Variants in IDE observed in about 807,000 individuals in gnomAD.
IDE encodes the protein insulin degrading enzyme.
A neutral mutation model predicts 133.2 loss-of-function variants in IDE; 58 were observed. The ratio of observed to expected loss-of-function variants is 0.44; its 90% CI spans 0.35 to 0.54. The LOEUF is 0.54. Among genes scored for constraint, IDE ranks in the 20% least tolerant of loss-of-function variants. IDE has a pLI of 0.00. For synonymous variants in IDE, 396 were observed against 421.3 expected (o/e 0.94, Z 0.73); for missense variants, 981 against 1,234.0 (o/e 0.79, Z 3.07).
At chr10:92,554,054 T>G (rs965426875) in intron 1 of IDE, among the ~76,000 whole-genome samples, 1 of 152,230 alleles carries the variant, frequency 6.6e-6, no homozygotes. Flanking sequence ...ATATCACTGA[T>G]GAATATTGAT....
At chr10:92,473,198 G>A (rs1463120518) in intron 17 of IDE, among the ~76,000 whole-genome samples, 1 of 151,940 alleles carries the variant, frequency 6.6e-6, no homozygotes, top group Non-Finnish European at 1.5e-5. Flanking sequence ...CTAAAGTGCT[G>A]GGATTACAGG....
chr10:92,523,680 G>A, intron 4 of IDE, among the ~76,000 whole-genome samples: 1 of 145,268 alleles, frequency 6.9e-6, no homozygotes. Context: ...CAGCATGGGC[G>A]ACAAGAGTAA....
intron 11 of IDE, among the ~76,000 whole-genome samples, chr10:92,502,634 CG>C (rs1789923617): frequency 6.6e-6 from 1 of 152,178 alleles, no homozygotes. Flanking sequence ...AACTATATCT[CG>C]CCATCCCCCA....
intron 15 of IDE, among the ~76,000 whole-genome samples, chr10:92,476,203 C>T (rs1436723423): frequency 2.0e-5 from 3 of 146,488 alleles, no homozygotes; most frequent in Non-Finnish European, 4.5e-5. Context: ...GACAGAGTTT[C>T]GCTCTTGTTG....
At chr10:92,491,393 C>T (rs528895439) in intron 11 of IDE, among the ~76,000 whole-genome samples, 1 of 152,168 alleles carries the variant, frequency 6.6e-6, no homozygotes, top group South Asian at 2.1e-4. Context: ...TTATTGCTTG[C>T]TACATTTGTG....
chr10:92,564,671 C>CAAAAAAAAAAAAAAAAAAAAA (rs532861372), intron 1 of IDE, among the ~76,000 whole-genome samples: 5 of 31,586 alleles, frequency 1.6e-4, no homozygotes, highest in South Asian at 9.9e-4. Context: ...GAGACTGTCT[C>CAAAAAAAAAAAAAAAAAAAAA]AAAAAAAAAA....
At position 92,519,875 on chromosome 10, in the gene IDE, C is replaced by T. The variant is rs1252183854; in HGVS notation, c.662-4833G>A. ...ATCACAACACTTTAGGAGGCTGAGG[C>T]AGGCGGATCACCTGAGGTCAGGAGC... On this transcript the variant is annotated intron_variant, in intron 4 of 24. Transcript: ENST00000265986. 3.3e-5 allele frequency among the ~76,000 whole-genome samples: 5 copies of T among 152,172 alleles called. No homozygotes were observed. The East Asian group carries it at 7.7e-4, about 23-fold the overall frequency.
At chr10:92,524,461 T>TAAAATATAATATATA (rs1564648153) in intron 4 of IDE, among the ~76,000 whole-genome samples, 6 of 59,028 alleles carry the variant, frequency 1.0e-4, no homozygotes, top group African/African-American at 4.6e-4. Context: ...ATATTATATA[T>TAAAATATAATATATA]TTTATATAAT....
chr10:92,465,956 G>T, intron 19 of IDE, 113 bp from the exon 20 acceptor site: 1 of 875,246 alleles, frequency 1.1e-6, no homozygotes, highest in Non-Finnish European at 1.8e-6. Flanking sequence ...TAATAGAAAA[G>T]GGAGGTAGAG....
intron 9 of IDE, 91 bp downstream of exon 9, chr10:92,507,484 G>C: frequency 1.3e-6 from 1 of 774,518 alleles, no homozygotes; most frequent in Non-Finnish European, 2.3e-6. Flanking sequence ...AACTTTAAAA[G>C]TTTAACTGGG....
At chr10:92,504,379 T>C (rs541902427) in intron 11 of IDE, among the ~76,000 whole-genome samples, 35 of 152,300 alleles carry the variant, frequency 2.3e-4, no homozygotes, top group African/African-American at 7.7e-4. Flanking sequence ...TTGTAATCTT[T>C]ACTGTGGCTT....
intron 3 of IDE, among the ~76,000 whole-genome samples, chr10:92,532,128 T>G (rs186876212): frequency 6.6e-6 from 1 of 151,094 alleles, no homozygotes; most frequent in East Asian, 1.9e-4. Context: ...TGCAGAGGAG[T>G]TGATCTACCC....
intron 1 of IDE, among the ~76,000 whole-genome samples, chr10:92,562,530 G>A (rs191652435): frequency 6.6e-6 from 1 of 152,286 alleles, no homozygotes; most frequent in Admixed American, 6.5e-5. Context: ...GAGAGAATAA[G>A]GCATTTTTTT....
intron 6 of IDE, 66 bp downstream of exon 6, chr10:92,509,984 T>C (rs559505313): frequency 5.6e-6 from 4 of 715,886 alleles, no homozygotes; most frequent in African/African-American, 5.4e-5. Flanking sequence ...ACCTGTTCTA[T>C]GGTAAACTAG....
chr10:92,485,125 C>CTTTTTTTT (rs34615998), intron 13 of IDE, among the ~76,000 whole-genome samples: 80 of 100,826 alleles, frequency 7.9e-4, no homozygotes, highest in South Asian at 1.7e-3. Flanking sequence ...TTCTTTCTTT[C>CTTTTTTTT]TTTTTTTTTT....
chr10:92,526,845 CAAAA>C (rs1165598095), intron 4 of IDE, among the ~76,000 whole-genome samples: 1 of 54,270 alleles, frequency 1.8e-5, no homozygotes, highest in Non-Finnish European at 3.7e-5. Context: ...GGCCCTGTCT[CAAAA>C]AAAAAAAAAA....
At chr10:92,537,082 C>T (rs1029779886) in intron 2 of IDE, among the ~76,000 whole-genome samples, 1 of 151,252 alleles carries the variant, frequency 6.6e-6, no homozygotes, top group Non-Finnish European at 1.5e-5. Context: ...TTAAATGTAC[C>T]ACGGTAAAAA....
At chr10:92,462,158 ATATAAAAAT>A (rs1845427425) in intron 21 of IDE, among the ~76,000 whole-genome samples, 1 of 152,004 alleles carries the variant, frequency 6.6e-6, no homozygotes, top group Admixed American at 6.6e-5. Flanking sequence ...TCTACTAAAA[ATATAAAAAT>A]TAGCCAGGCA....
intron 4 of IDE, among the ~76,000 whole-genome samples, chr10:92,527,249 A>G (rs999411032): frequency 1.3e-5 from 2 of 152,170 alleles, no homozygotes; most frequent in Admixed American, 1.3e-4. Flanking sequence ...CCTCTGCCTT[A>G]TATCAAGTTT....
Sources: gnomAD v4.1 joint callset for allele counts (sites outside exome capture counted in the v4.1 genomes callset) on GRCh38, gnomAD v4.1.1 for gene constraint, MANE v1.5 for transcripts, NCBI Gene and HGNC (gene_info 2026-07-23, HGNC 2026-07-21) for gene names.